Variants in GGH observed in about 807,000 individuals in gnomAD.
The protein encoded by GGH is gamma-Glu-X carboxypeptidase.
Under a neutral mutation model 39.2 loss-of-function variants are expected in GGH, and 18 were observed. The ratio of observed to expected loss-of-function variants is 0.46; its 90% CI spans 0.32 to 0.68. The LOEUF is 0.68. GGH is among the 30% of genes least tolerant of loss of function. The pLI, the probability that GGH is intolerant of heterozygous loss-of-function variation, is 0.04. For synonymous variants in GGH, 147 were observed against 138.8 expected, an observed-to-expected ratio of 1.06 and a Z score of -0.42; for missense variants, 367 against 384.1, an observed-to-expected ratio of 0.96 and a Z score of 0.37.
intron 2 of GGH, among the ~76,000 whole-genome samples, chr8:63,035,084 A>G (rs13273611): frequency 0.2 from 29,831 of 151,580 alleles, 3,201 homozygotes; most frequent in South Asian, 0.26. Flanking sequence ...TGTCTGTGAG[A>G]ACCACCTTTT....
At position 63,038,741 on chromosome 8, in the gene GGH, C is replaced by T. The variant is rs1554603808; in HGVS notation, c.28G>A (p.Val10Met). Residue 10 changes from valine to methionine, a missense_variant, in exon 1 of 9, where the codon GTG becomes ATG. By Grantham distance (21) the Val-to-Met change is conservative. Coordinates refer to ENST00000260118, the MANE Select transcript of GGH (RefSeq NM_003878.3). MASPGCLLC[V>M]LGLLLCGAAS... ...GCCCCGCAGAGTAGCAGGCCCAGCA[C>T]GCACAGCAGGCAGCCCGGACTGGCC... 1.3e-6 allele frequency: 2 copies of T among 1,580,362 alleles called. No individual in the cohort carries two copies. The highest frequency in any genetic ancestry group is 2.3e-5 in the East Asian group (1 of 42,964).
At chr8:63,017,298 G>A (rs1017448958) in intron 8 of GGH, 195 bp downstream of exon 8, 11 of 474,236 alleles carry the variant, frequency 2.3e-5, no homozygotes, top group African/African-American at 2.0e-4. Context: ...TGAAGTAACT[G>A]TCCTGGTTTT....
rs867923310 is a variant in GGH, at chr8:63,038,732, G to A, written c.37C>T (p.Leu13=). The part of the protein sequence containing the change: ...SPGCLLCVLG[L]LLCGAASLEL... Reference sequence around the variant, plus strand: ...AGGCTCGCCGCCCCGCAGAGTAGCAGGCCCAGCACGCACAGCAGGCAGCCC... The same window carrying A: ...AGGCTCGCCGCCCCGCAGAGTAGCAAGCCCAGCACGCACAGCAGGCAGCCC... Residue 13 remains leucine, a synonymous_variant, in exon 1 of 9, where the codon CTG becomes TTG. Transcript: ENST00000260118. The A allele has an allele frequency of 1.9e-6, 3 of 1,582,252 alleles. No individual in the cohort carries two copies. Among genetic ancestry groups the A allele is most frequent in the African/African-American group, 2.7e-5 (2 of 72,898 alleles).
At chr8:63,032,862 C>T in intron 2 of GGH, among the ~76,000 whole-genome samples, 1 of 152,184 alleles carries the variant, frequency 6.6e-6, no homozygotes, top group South Asian at 2.1e-4. Flanking sequence ...CATCCACTTT[C>T]AAAACTCCCA....
Position 63,025,212 on chromosome 8 carries a change from T to G in GGH, c.499+946A>C, listed in dbSNP as rs1804662407. On this transcript the variant is annotated intron_variant, in intron 5 of 8. Coordinates refer to ENST00000260118, the MANE Select transcript of GGH (RefSeq NM_003878.3). ...GATATAAGTATTTTTGTTATGCTAA[T>G]GTGGTAATTCAAGGTGGGTCCCTCA... is the stretch of plus-strand genomic sequence containing the variant. 2.6e-5 allele frequency: 4 copies of G among 152,194 alleles called. No individual in the cohort carries two copies. The South Asian group carries it at 8.3e-4, about 32-fold the overall frequency. 9.4% of individuals were successfully genotyped at this position (152,194 alleles called of 1,614,324 possible).
At chr8:63,026,529 G>C (rs1804686711) in intron 4 of GGH, among the ~76,000 whole-genome samples, 1 of 152,150 alleles carries the variant, frequency 6.6e-6, no homozygotes, top group Non-Finnish European at 1.5e-5. Context: ...GACTATAAAA[G>C]CCTATAGATT....
In GGH at chr8:63,024,114, G is replaced by A. The variant is rs375630035; in HGVS notation, c.572C>T (p.Thr191Ile). 2 of 1,610,428 alleles carry A rather than the reference G, an allele frequency of 1.2e-6. No homozygotes were observed. Among genetic ancestry groups the A allele is most frequent in the Non-Finnish European group, 8.5e-7 (1 of 1,176,852 alleles). Reference sequence around the variant, plus strand: ...GAGGCTCCACTTATGGAAATTGGCAGTCAGAGGTTCTACTGCTAATGACAG... The same window carrying A: ...GAGGCTCCACTTATGGAAATTGGCAATCAGAGGTTCTACTGCTAATGACAG... The part of the protein sequence containing the change: ...LLLSLAVEPL[T>I]ANFHKWSLSV... The change falls in exon 6 of 9, where the codon ACT becomes ATT. Residue 191 changes from threonine (T) to isoleucine (I), a missense_variant. Coordinates refer to ENST00000260118, the MANE Select transcript of GGH (RefSeq NM_003878.3).
chr8:63,015,531 G>C, intron 8 of GGH, 78 bp from the exon 9 acceptor site: 1 of 859,862 alleles, frequency 1.2e-6, no homozygotes, highest in Non-Finnish European at 1.8e-6. Flanking sequence ...ATTTCTTCCT[G>C]CAATCAGCAT....
intron 8 of GGH, among the ~76,000 whole-genome samples, chr8:63,015,792 T>A (rs1804477205): frequency 6.6e-6 from 1 of 151,964 alleles, no homozygotes; most frequent in Admixed American, 6.6e-5. Context: ...GCATATCCCA[T>A]GCTATGCTCA....
intron 7 of GGH, among the ~76,000 whole-genome samples, chr8:63,018,521 A>G (rs1384921150): frequency 6.6e-6 from 1 of 152,202 alleles, no homozygotes; most frequent in Admixed American, 6.5e-5. Context: ...AAGCTTTCTG[A>G]CTAGAGAGCA....
intron 7 of GGH, among the ~76,000 whole-genome samples, chr8:63,022,648 G>C (rs1282941314): frequency 2.0e-5 from 3 of 151,522 alleles, no homozygotes; most frequent in African/African-American, 7.3e-5. Flanking sequence ...CCAAGTAGCT[G>C]GGACTACAGG....
In GGH at chr8:63,027,269, A is replaced by G; in HGVS notation, c.276-4T>C. 1 of 1,559,326 alleles carries G rather than the reference A, an allele frequency of 6.4e-7. No homozygotes were observed. The highest frequency in any genetic ancestry group is 8.8e-7 in the Non-Finnish European group (1 of 1,130,354). On this transcript the variant is annotated splice_polypyrimidine_tract_variant and splice_region_variant and intron_variant, in intron 3 of 8. Transcript: ENST00000260118. ...ACTTCCTCCAGGGAAAAGGATTCTG[A>G]AACAACGTTACATAAATCAAATAGG...
chr8:63,019,828 ATGGTCCTGATT>A (rs1456779502), intron 7 of GGH, among the ~76,000 whole-genome samples: 4 of 152,150 alleles, frequency 2.6e-5, no homozygotes, highest in Admixed American at 6.5e-5. Flanking sequence ...TTAGGACCTT[ATGGTCCTGATT>A]TGGCTCCTTC....
intron 1 of GGH, among the ~76,000 whole-genome samples, chr8:63,037,177 T>C (rs1306872169): frequency 1.3e-5 from 2 of 152,122 alleles, no homozygotes; most frequent in African/African-American, 2.4e-5. Flanking sequence ...CAGATTAACA[T>C]GTCAAACGCC....
At chr8:63,016,579 G>A (rs562336170) in intron 8 of GGH, among the ~76,000 whole-genome samples, 12 of 152,272 alleles carry the variant, frequency 7.9e-5, no homozygotes, top group South Asian at 2.1e-4. Flanking sequence ...TTCACTTAAC[G>A]TCATCGATAG....
At chr8:63,036,561 T>C (rs1804913011) in intron 1 of GGH, among the ~76,000 whole-genome samples, 1 of 151,972 alleles carries the variant, frequency 6.6e-6, no homozygotes, top group African/African-American at 2.4e-5. Context: ...AGAAAGACGG[T>C]GGGGAAGGAG....
At chr8:63,038,621 C>T in intron 1 of GGH, 39 bp downstream of exon 1, 1 of 1,166,654 alleles carries the variant, frequency 8.6e-7, no homozygotes, top group East Asian at 2.8e-5. Flanking sequence ...CAACACCCAG[C>T]TCCTCCCCGT....
chr8:63,019,010 A>G (rs1804538928), intron 7 of GGH, among the ~76,000 whole-genome samples: 2 of 152,234 alleles, frequency 1.3e-5, no homozygotes, highest in African/African-American at 4.8e-5. Flanking sequence ...CCCCTGTAAC[A>G]GCAATATGAA....
At chr8:63,023,742 G>T in intron 7 of GGH, 165 bp downstream of exon 7, 1 of 427,192 alleles carries the variant, frequency 2.3e-6, no homozygotes, top group Non-Finnish European at 4.0e-6. Flanking sequence ...CAGGAAAACT[G>T]CAATTAATTT....
Sources: allele counts gnomAD v4.1 joint callset (sites outside exome capture counted in the v4.1 genomes callset), GRCh38; gene constraint gnomAD v4.1.1; transcripts MANE v1.5; gene names NCBI Gene and HGNC (gene_info 2026-07-23, HGNC 2026-07-21).